Variants in PFKFB3 observed in about 807,000 individuals in gnomAD.
The protein encoded by PFKFB3 is 6-phosphofructo-2-kinase/fructose-2,6-biphosphatase 3.
In PFKFB3, 33 loss-of-function variants were observed where a neutral mutation model predicts 68.0. The ratio of observed to expected loss-of-function variants is 0.49; its 90% CI spans 0.37 to 0.65. The LOEUF (loss-of-function observed/expected upper bound fraction) is 0.65. Among genes scored for constraint, PFKFB3 ranks in the 30% least tolerant of loss-of-function variants. The pLI, the probability that PFKFB3 is intolerant of heterozygous loss-of-function variation, is 0.00. For synonymous variants in PFKFB3, 315 were observed against 288.2 expected (o/e 1.09, Z -0.94); for missense variants, 586 against 712.2 (o/e 0.82, Z 2.02).
chr10:6,262,665 A>T, the PFKFB3 span, among the ~76,000 whole-genome samples: 21 of 152,170 alleles, frequency 1.4e-4, no homozygotes, highest in Non-Finnish European at 2.9e-5. Context: ...CAAGGGAGAG[A>T]ATCTAATAAA....
At chr10:6,222,754 A>T (rs1437324077) in intron 10 of PFKFB3, 101 bp from the exon 11 acceptor site, 13 of 1,304,420 alleles carry the variant, frequency 1.0e-5, no homozygotes. Context: ...TGGATGATTG[A>T]TTTTGCGTGG....
At chr10:6,230,023 C>T (rs142691246) in intron 14 of PFKFB3, among the ~76,000 whole-genome samples, 5 of 152,192 alleles carry the variant, frequency 3.3e-5, no homozygotes, top group East Asian at 1.9e-4. Context: ...GGGACCCCTG[C>T]GTTAGACACG....
chr10:6,217,226 G>T, intron 6 of PFKFB3, 35 bp downstream of exon 6: 1 of 1,583,426 alleles, frequency 6.3e-7, no homozygotes, highest in Non-Finnish European at 8.7e-7. Flanking sequence ...TTCTGCGGCA[G>T]CGTAGACCAC....
chr10:6,290,381 C>G, the PFKFB3 span, among the ~76,000 whole-genome samples: 1 of 152,008 alleles, frequency 6.6e-6, no homozygotes, highest in Admixed American at 6.6e-5. Flanking sequence ...TATGTCCCAT[C>G]AATACCTAAT....
chr10:6,222,962 C>G lies in PFKFB3; in HGVS notation c.1191C>G (p.Ala397=). The G allele has an allele frequency of 6.2e-7, 1 of 1,613,688 alleles. No homozygotes were observed. The highest frequency in any genetic ancestry group is 1.1e-5 in the South Asian group (1 of 91,032). Residue 397 remains alanine (A), a synonymous_variant, in exon 11 of 15, where the codon GCC becomes GCG. Coordinates refer to ENST00000379775, the MANE Select transcript of PFKFB3 (RefSeq NM_004566.4). The part of the protein sequence containing the change: ...CHQAVLRCLL[A]YFLDKSAEEM... ...AGGCCGTCCTGCGCTGCCTGCTTGC[C>G]TACTTCCTGGATAAGAGTGCAGGTA...
chr10:6,275,879 G>T, the PFKFB3 span, among the ~76,000 whole-genome samples: 56 of 152,092 alleles, frequency 3.7e-4, 1 homozygote, highest in Non-Finnish European at 6.5e-4. This position sits in a 1 kb window ranked among gnomAD's most constrained non-coding sequence, Gnocchi z 4.9. Flanking sequence ...ACACGCAGGG[G>T]TTATGCTTTC....
intron 1 of PFKFB3, among the ~76,000 whole-genome samples, chr10:6,197,259 G>C (rs1843202944): frequency 6.6e-6 from 1 of 152,154 alleles, no homozygotes; most frequent in African/African-American, 2.4e-5. Context: ...TTACAGGTGT[G>C]AGCCACAGCA....
rs571953419 is a variant in PFKFB3 at position 6,243,547 on chromosome 10, C to T, written c.1516-10631C>T. 8.5e-5 allele frequency among the ~76,000 whole-genome samples: 13 copies of T among 152,312 alleles called. No individual in the cohort carries two copies. In the South Asian group the frequency reaches 1.2e-3, roughly 15 times the overall value. ...CCCTAGTCCCATCAGTGGAGGCAGC[C>T]GCTTCCTGCAACGCTCCCCATAGAG... On this transcript the variant is annotated intron_variant, in intron 14 of 14. Coordinates refer to the PFKFB3 transcript ENST00000640683.
chr10:6,200,666 G>T (rs867686437), upstream of PFKFB3, among the ~76,000 whole-genome samples: 2 of 133,738 alleles, frequency 1.5e-5, no homozygotes, highest in African/African-American at 5.4e-5. Flanking sequence ...GAGCGGGGGG[G>T]GGGGGGGGGC....
At chr10:6,217,038 C>A in intron 5 of PFKFB3, 97 bp from the exon 6 acceptor site, 1 of 1,230,444 alleles carries the variant, frequency 8.1e-7, no homozygotes, top group Non-Finnish European at 1.2e-6. Context: ...TGGTGGGTGG[C>A]GTGCTTCCGC....
chr10:6,228,293 A>G lies in PFKFB3; in HGVS notation c.1515+1928A>G. 6.5e-7 allele frequency: 1 copy of G among 1,547,264 alleles called. No individual in the cohort carries two copies. The highest frequency in any genetic ancestry group is 8.9e-7 in the Non-Finnish European group (1 of 1,121,000). On this transcript the variant is annotated intron_variant, in intron 14 of 14. Coordinates refer to ENST00000379775, the MANE Select transcript of PFKFB3 (RefSeq NM_004566.4). This position sits in a 1 kb window ranked among gnomAD's most constrained non-coding sequence, Gnocchi z 4.5. The stretch of plus-strand genomic sequence containing the variant: ...TTGCTCATTTGGCCTCCTGCCTGTT[A>G]AAATATTGAGGATGAGAGCAGTTTT...
the PFKFB3 span, among the ~76,000 whole-genome samples, chr10:6,312,381 A>G: frequency 5.9e-5 from 9 of 152,200 alleles, no homozygotes; most frequent in East Asian, 1.7e-3. Flanking sequence ...CTGTCTCTCC[A>G]TCTCGGCTCC....
At chr10:6,315,493 TTTTCC>T in the PFKFB3 span, among the ~76,000 whole-genome samples, 1 of 152,218 alleles carries the variant, frequency 6.6e-6, no homozygotes, top group Non-Finnish European at 1.5e-5. Flanking sequence ...TCTTTTTTTC[TTTTCC>T]TTTTTTTGAG....
chr10:6,260,818 T>G, the PFKFB3 span, among the ~76,000 whole-genome samples: 1 of 152,240 alleles, frequency 6.6e-6, no homozygotes, highest in Non-Finnish European at 1.5e-5. Flanking sequence ...TTTTCCAGTT[T>G]TTTTACTATT....
intron 11 of PFKFB3, 56 bp downstream of exon 11, chr10:6,223,040 C>A (rs982519777): frequency 6.4e-7 from 1 of 1,559,136 alleles, no homozygotes; most frequent in South Asian, 1.2e-5. Flanking sequence ...TGGCACTCGG[C>A]GGGGGGTCAG....
chr10:6,199,440 G>C (rs1469752229), upstream of PFKFB3, among the ~76,000 whole-genome samples: 2 of 151,576 alleles, frequency 1.3e-5, no homozygotes, highest in African/African-American at 2.4e-5. Context: ...GCTGGACCGA[G>C]CTCAGTGAAT....
chr10:6,166,231 C>T (rs1414595748), intron 1 of PFKFB3, among the ~76,000 whole-genome samples: 2 of 152,108 alleles, frequency 1.3e-5, no homozygotes, highest in Non-Finnish European at 2.9e-5. Flanking sequence ...ATCCGCCCGC[C>T]TCGGTCTCCC....
At chr10:6,273,100 G>A in the PFKFB3 span, among the ~76,000 whole-genome samples, 3 of 149,818 alleles carry the variant, frequency 2.0e-5, 1 homozygote, top group Non-Finnish European at 2.9e-5. Flanking sequence ...TCTGCCTCCC[G>A]GGTTCAAGCA....
intron 1 of PFKFB3, among the ~76,000 whole-genome samples, chr10:6,175,789 A>G (rs1842447952): frequency 6.6e-6 from 1 of 152,248 alleles, no homozygotes; most frequent in African/African-American, 2.4e-5. Flanking sequence ...CAAGAGATGC[A>G]AATTAAAGCC....
Sources: gnomAD v4.1 joint callset for allele counts (sites outside exome capture counted in the v4.1 genomes callset) on GRCh38, gnomAD v4.1.1 for gene constraint, Gnocchi (gnomAD v3.1) non-coding constraint, MANE v1.5 for transcripts, NCBI Gene and HGNC (gene_info 2026-07-23, HGNC 2026-07-21) for gene names.